DLC1: variants seen among roughly 807,000 people sequenced by gnomAD.
The protein encoded by DLC1 is rho GTPase-activating protein 7.
A neutral mutation model predicts 140.3 loss-of-function variants in DLC1; 54 were observed. The ratio of observed to expected loss-of-function variants is 0.38; its 90% CI spans 0.31 to 0.48. DLC1 has a LOEUF of 0.48. Ranked by LOEUF, DLC1 falls within the 20% of genes least tolerant of loss-of-function variation. DLC1 has a pLI of 0.96. For synonymous variants in DLC1, 986 were observed against 728.1 expected, an observed-to-expected ratio of 1.35 and a Z score of -5.70; for missense variants, 2,536 against 1,907.0, an observed-to-expected ratio of 1.33 and a Z score of -6.14.
At chr8:13,257,440 A>G (rs1043571565) in intron 5 of DLC1, among the ~76,000 whole-genome samples, 31 of 16,714 alleles carry the variant, frequency 1.9e-3, no homozygotes, top group Middle Eastern at 0.033. Context: ...CTGTCTCAGG[A>G]AAAAAAAAAA....
At chr8:13,400,443 T>C (rs1303917757) in intron 3 of DLC1, among the ~76,000 whole-genome samples, 1 of 152,214 alleles carries the variant, frequency 6.6e-6, no homozygotes, top group Non-Finnish European at 1.5e-5. Context: ...AACTCAGACC[T>C]TTACACTACA....
intron 1 of DLC1, among the ~76,000 whole-genome samples, chr8:13,520,727 C>G (rs1336804717): frequency 6.6e-6 from 1 of 152,070 alleles, no homozygotes; most frequent in East Asian, 1.9e-4. Flanking sequence ...TCCTGTAGGG[C>G]TAGGGTACCA....
chr8:13,391,679 G>A (rs77470100), intron 4 of DLC1, among the ~76,000 whole-genome samples: 1,635 of 152,188 alleles, frequency 0.011, 50 homozygotes, highest in African/African-American at 0.037. Flanking sequence ...AGGGGTAACT[G>A]AAGAAAGAGT....
chr8:13,335,338 T>A (rs1833775336), intron 4 of DLC1, among the ~76,000 whole-genome samples: 1 of 152,184 alleles, frequency 6.6e-6, no homozygotes, highest in Non-Finnish European at 1.5e-5. Flanking sequence ...TAAACTACTT[T>A]TTTAAATTTT....
At chr8:13,421,339 G>A (rs1334510252) in intron 2 of DLC1, among the ~76,000 whole-genome samples, 3 of 152,104 alleles carry the variant, frequency 2.0e-5, no homozygotes, top group Non-Finnish European at 4.4e-5. Flanking sequence ...AAAGTACCCA[G>A]TAGCGTCTAT....
intron 1 of DLC1, among the ~76,000 whole-genome samples, chr8:13,505,576 A>C (rs983453231): frequency 6.6e-6 from 1 of 152,216 alleles, no homozygotes; most frequent in Non-Finnish European, 1.5e-5. Context: ...TTCTTCTGCA[A>C]TATGTCTGGT....
chr8:13,472,579 T>C (rs1356212068), intron 2 of DLC1, among the ~76,000 whole-genome samples: 4 of 152,160 alleles, frequency 2.6e-5, no homozygotes, highest in South Asian at 2.1e-4. Flanking sequence ...TAGGACATAG[T>C]TGAAACCCCC....
chr8:13,539,750 A>ATGTGTGTG (rs71207162), intron 1 of DLC1, among the ~76,000 whole-genome samples: 15,767 of 147,178 alleles, frequency 0.11, 933 homozygotes, highest in Middle Eastern at 0.19. Context: ...ATGTGTGTGT[A>ATGTGTGTG]TGTGTGTGTG....
intron 1 of DLC1, among the ~76,000 whole-genome samples, chr8:13,578,878 A>G (rs74359723): frequency 6.6e-6 from 1 of 151,910 alleles, no homozygotes; most frequent in Non-Finnish European, 1.5e-5. Flanking sequence ...ATGATTAAGT[A>G]AATCTATGGC....
intron 5 of DLC1, among the ~76,000 whole-genome samples, chr8:13,141,323 G>A (rs1177706760): frequency 6.9e-6 from 1 of 144,552 alleles, no homozygotes; most frequent in Non-Finnish European, 1.5e-5. Context: ...TAAGGGCACC[G>A]AGTTTTTAAG....
rs573875535 is a variant in DLC1, at chr8:13,276,213, C to A, written c.1348+29056G>T. ...CTGCGTCTTCGCAGTAAATTGTTTTCTTTTTAATACCCCTCACCCCCGGTC... is the reference window on the plus strand; with the variant it reads ...CTGCGTCTTCGCAGTAAATTGTTTTATTTTTAATACCCCTCACCCCCGGTC... On this transcript the variant is annotated intron_variant, in intron 5 of 17. Transcript: ENST00000276297. 1.4e-3 allele frequency: 2,070 copies of A among 1,529,338 alleles called. 53 individuals carry two copies. In the South Asian group the frequency reaches 0.024, roughly 17 times the overall value. The allele number at this position is 1,529,338 out of a possible 1,614,324, so 94.7% of individuals were successfully genotyped here.
intron 2 of DLC1, among the ~76,000 whole-genome samples, chr8:13,425,930 A>G (rs1838554207): frequency 6.6e-6 from 1 of 152,116 alleles, no homozygotes; most frequent in African/African-American, 2.4e-5. Flanking sequence ...TGAAGGCCTC[A>G]GCCTCCTGAG....
At chr8:13,557,610 G>A (rs1804093849) in intron 1 of DLC1, 1 of 152,188 alleles carries the variant, frequency 6.6e-6, no homozygotes, top group East Asian at 1.9e-4. Context: ...TTAAAGTGTG[G>A]TACTTCCTTG....
At chr8:13,359,889 A>C (rs868596768) in intron 4 of DLC1, among the ~76,000 whole-genome samples, 46 of 152,220 alleles carry the variant, frequency 3.0e-4, no homozygotes, top group African/African-American at 1.1e-3. Flanking sequence ...ATGGAATGAA[A>C]ATCATAAATG....
At chr8:13,574,977 C>T (rs1310197036) in intron 1 of DLC1, among the ~76,000 whole-genome samples, 2 of 152,132 alleles carry the variant, frequency 1.3e-5, no homozygotes, top group Admixed American at 1.3e-4. Flanking sequence ...TGAGCTCTCC[C>T]TCAATTTTGC....
At chr8:13,455,848 C>T (rs1333022422) in intron 2 of DLC1, among the ~76,000 whole-genome samples, 1 of 151,994 alleles carries the variant, frequency 6.6e-6, no homozygotes, top group Non-Finnish European at 1.5e-5. Context: ...TGCACTCTGG[C>T]CTGGGCAACA....
chr8:13,523,688 C>A (rs959788572), intron 1 of DLC1, among the ~76,000 whole-genome samples: 5 of 151,994 alleles, frequency 3.3e-5, no homozygotes, highest in Admixed American at 1.3e-4. Context: ...GGAACAAGTT[C>A]AAAGAATGAT....
chr8:13,198,870 C>A (rs760661319), intron 5 of DLC1, among the ~76,000 whole-genome samples: 1 of 152,042 alleles, frequency 6.6e-6, no homozygotes, highest in Admixed American at 6.6e-5. Context: ...ATGTGCACCA[C>A]CACACCCAGC....
At chr8:13,514,316 A>C (rs570978250) in intron 1 of DLC1, among the ~76,000 whole-genome samples, 2 of 152,318 alleles carry the variant, frequency 1.3e-5, no homozygotes, top group South Asian at 2.1e-4. Flanking sequence ...CTGATCCGAC[A>C]GCTCAATTAA....
Sources: gnomAD v4.1 joint callset for allele counts (sites outside exome capture counted in the v4.1 genomes callset) on GRCh38, gnomAD v4.1.1 for gene constraint, MANE v1.5 for transcripts, NCBI Gene and HGNC (gene_info 2026-07-23, HGNC 2026-07-21) for gene names.